The following RARB variants were observed in gnomAD, a reference collection of about 807,000 sequenced individuals.
RARB encodes retinoic acid receptor beta.
In RARB, 17 loss-of-function variants were observed where a neutral mutation model predicts 51.9. The ratio of observed to expected loss-of-function variants is 0.33; its 90% CI spans 0.22 to 0.49. The LOEUF is 0.49. Among genes scored for constraint, RARB ranks in the 20% least tolerant of loss-of-function variants. The probability of loss-of-function intolerance (pLI) is 0.99; values close to 1 mark genes in which losing one functional copy is unlikely to be tolerated. For missense variants in RARB, 369 were observed against 550.8 expected (o/e 0.67, Z 3.30); for synonymous variants, 215 against 195.4 (o/e 1.10, Z -0.84).
intron 5 of RARB, among the ~76,000 whole-genome samples, chr3:25,251,721 T>C (rs749038974): frequency 6.6e-5 from 10 of 152,216 alleles, no homozygotes; most frequent in Non-Finnish European, 1.2e-4. Context: ...TGTCTTTTTG[T>C]TGCTGAGTTG....
intron 5 of RARB, among the ~76,000 whole-genome samples, chr3:25,198,319 G>A (rs1292195879): frequency 6.6e-6 from 1 of 151,810 alleles, no homozygotes; most frequent in Non-Finnish European, 1.5e-5. Flanking sequence ...CTATGAAACA[G>A]CTAAAAGAAA....
At chr3:25,515,119 C>T (rs541660954) in intron 3 of RARB, among the ~76,000 whole-genome samples, 3 of 152,184 alleles carry the variant, frequency 2.0e-5, no homozygotes, top group Admixed American at 6.5e-5. Flanking sequence ...AGGATAATAA[C>T]GGTGTCCAGG....
At chr3:25,081,505 AGAAG>A (rs932107918) in intron 3 of RARB, among the ~76,000 whole-genome samples, 2 of 145,774 alleles carry the variant, frequency 1.4e-5, no homozygotes, top group Non-Finnish European at 1.5e-5. Flanking sequence ...AGCTCCTGAG[AGAAG>A]GAACATTAAA....
intron 5 of RARB, among the ~76,000 whole-genome samples, chr3:25,220,150 C>T (rs912683117): frequency 6.6e-6 from 1 of 152,116 alleles, no homozygotes; most frequent in African/African-American, 2.4e-5. Flanking sequence ...GATTGAACTG[C>T]CTTTGGACTA....
At chr3:25,482,684 C>T (rs765535598) in intron 2 of RARB, among the ~76,000 whole-genome samples, 3 of 151,416 alleles carry the variant, frequency 2.0e-5, no homozygotes, top group Non-Finnish European at 2.9e-5. Flanking sequence ...GGACTACAGG[C>T]GCGTGCCACC....
At position 24,926,296 on chromosome 3, in the gene RARB, T is replaced by C. The variant is rs560901703; in HGVS notation, c.-380+67544T>C. On this transcript the variant is annotated intron_variant, in intron 2 of 11. Coordinates refer to the RARB transcript ENST00000383772. ...GTGGAGAGTGTGTAAAATTGAAGCC[T>C]ACTTTTAAAAATATAGGGTACCCTG... Among the ~76,000 whole-genome samples the C allele has an allele frequency of 3.3e-5, 5 of 149,318 alleles. No individual in the cohort carries two copies. The South Asian group carries it at 1.1e-3, about 32-fold the overall frequency.
intron 4 of RARB, among the ~76,000 whole-genome samples, chr3:25,153,964 G>T (rs1383489889): frequency 6.6e-6 from 1 of 152,202 alleles, no homozygotes; most frequent in Non-Finnish European, 1.5e-5. Context: ...AGAATATGTT[G>T]TCTCTAAAGA....
chr3:25,501,087 A>C, intron 2 of RARB, 95 bp from the exon 3 acceptor site: 1 of 1,417,658 alleles, frequency 7.1e-7, no homozygotes, highest in Non-Finnish European at 9.4e-7. Flanking sequence ...TTCGTTACTC[A>C]AAAAGAGCAA....
At chr3:25,282,735 T>G (rs1205996035) in intron 5 of RARB, among the ~76,000 whole-genome samples, 1 of 152,176 alleles carries the variant, frequency 6.6e-6, no homozygotes, top group Non-Finnish European at 1.5e-5. Context: ...ATAACTGTGA[T>G]CCATCATTTA....
At chr3:25,001,782 C>G (rs1697165974) in intron 2 of RARB, among the ~76,000 whole-genome samples, 1 of 152,168 alleles carries the variant, frequency 6.6e-6, no homozygotes, top group African/African-American at 2.4e-5. Context: ...TTTTTACTTA[C>G]AGCACTTTGA....
In RARB at chr3:25,398,871, T is replaced by C. The variant is rs541227232; in HGVS notation, c.179-62322T>C. Reference sequence around the variant, plus strand: ...ATATATTTTATGTCTGTACGCAATATGTTAAAATGTTATAAATTCATATAC... The same window carrying C: ...ATATATTTTATGTCTGTACGCAATACGTTAAAATGTTATAAATTCATATAC... On this transcript the variant is annotated intron_variant, in intron 5 of 11. Coordinates refer to the RARB transcript ENST00000383772. 3.3e-5 allele frequency among the ~76,000 whole-genome samples: 5 copies of C among 152,360 alleles called. No homozygotes were observed. In the East Asian group the frequency reaches 9.6e-4, roughly 29 times the overall value.
At chr3:25,112,728 T>G (rs1699623485) in intron 3 of RARB, among the ~76,000 whole-genome samples, 1 of 152,058 alleles carries the variant, frequency 6.6e-6, no homozygotes, top group Non-Finnish European at 1.5e-5. Context: ...CAGTGAGCCA[T>G]AATAGCACCA....
rs116729025 is a variant in RARB, at chr3:24,972,980, C to T, written c.-379-87145C>T. ...CTATGCAGAACGTTTTTAGTTTGAT[C>T]TAAGTCCCATTTGTCCATTTTTTGC... On this transcript the variant is annotated intron_variant, in intron 2 of 11. Transcript: ENST00000383772. Among the ~76,000 whole-genome samples, 879 of 152,036 alleles carry T rather than the reference C, an allele frequency of 5.8e-3. 12 individuals are homozygous for T. Among genetic ancestry groups the T allele is most frequent in the Middle Eastern group, 0.024 (7 of 294 alleles).
At chr3:25,122,072 T>C (rs1301333147) in intron 3 of RARB, among the ~76,000 whole-genome samples, 2 of 152,214 alleles carry the variant, frequency 1.3e-5, no homozygotes, top group Non-Finnish European at 2.9e-5. Flanking sequence ...AGGATAATGT[T>C]AATTGTTCCA....
intron 5 of RARB, among the ~76,000 whole-genome samples, chr3:25,305,166 C>T (rs902751492): frequency 1.3e-5 from 2 of 152,106 alleles, no homozygotes; most frequent in Non-Finnish European, 2.9e-5. Context: ...ATAATTAGAC[C>T]TTCATTTTAA....
At chr3:25,184,791 C>G (rs922435710) in intron 5 of RARB, among the ~76,000 whole-genome samples, 2 of 152,124 alleles carry the variant, frequency 1.3e-5, no homozygotes, top group East Asian at 3.9e-4. Context: ...CTTTGCGGGA[C>G]TGAGTCAGGA....
At chr3:25,246,805 C>T (rs1301269242) in intron 5 of RARB, among the ~76,000 whole-genome samples, 2 of 152,160 alleles carry the variant, frequency 1.3e-5, no homozygotes, top group Non-Finnish European at 2.9e-5. Flanking sequence ...GGTTTGGAGA[C>T]CCACTTGAGG....
chr3:24,954,810 CA>C (rs1276966603), intron 2 of RARB, among the ~76,000 whole-genome samples: 1 of 152,024 alleles, frequency 6.6e-6, no homozygotes, highest in Non-Finnish European at 1.5e-5. Context: ...ATAAGACTTG[CA>C]AAAAGGGTGT....
At chr3:25,095,637 A>T (rs1462101363) in intron 3 of RARB, among the ~76,000 whole-genome samples, 1 of 152,198 alleles carries the variant, frequency 6.6e-6, no homozygotes, top group African/African-American at 2.4e-5. Flanking sequence ...GTATTGAAAG[A>T]TGGATTTCCT....
Sources: allele counts gnomAD v4.1 joint callset (sites outside exome capture counted in the v4.1 genomes callset), GRCh38; gene constraint gnomAD v4.1.1; transcripts MANE v1.5; gene names NCBI Gene and HGNC (gene_info 2026-07-23, HGNC 2026-07-21).